DLGAP1: variants seen among roughly 807,000 people sequenced by gnomAD.
DLGAP1 encodes the protein disks large-associated protein 1.
A neutral mutation model predicts 90.8 loss-of-function variants in DLGAP1; 11 were observed. The observed-to-expected ratio is 0.12, with a 90% CI of 0.08 to 0.20. DLGAP1 has a LOEUF of 0.20. Ranked by LOEUF, DLGAP1 falls within the 10% of genes least tolerant of loss-of-function variation. The pLI is 1.00. For synonymous variants in DLGAP1, 558 were observed against 540.7 expected (o/e 1.03, Z -0.44); for missense variants, 1,050 against 1,333.8 (o/e 0.79, Z 3.31).
intron 7 of DLGAP1, among the ~76,000 whole-genome samples, chr18:3,646,431 C>T (rs910256982): frequency 3.3e-5 from 5 of 152,008 alleles, no homozygotes; most frequent in African/African-American, 1.2e-4. Flanking sequence ...AAATAAAACC[C>T]TCCATACTTA....
At chr18:3,765,236 T>C (rs2064174204) in intron 5 of DLGAP1, among the ~76,000 whole-genome samples, 1 of 149,430 alleles carries the variant, frequency 6.7e-6, no homozygotes, top group Non-Finnish European at 1.5e-5. Context: ...GTTCACACCA[T>C]TCTTCTGCTT....
intron 5 of DLGAP1, among the ~76,000 whole-genome samples, chr18:3,783,792 G>A (rs983049779): frequency 3.3e-5 from 5 of 151,996 alleles, no homozygotes; most frequent in Admixed American, 1.3e-4. Context: ...AAATAAAGTG[G>A]TTACTACAAA....
chr18:4,079,789 C>T (rs8099535), intron 2 of DLGAP1, among the ~76,000 whole-genome samples: 31,922 of 151,748 alleles, frequency 0.21, 4,240 homozygotes, highest in Non-Finnish European at 0.31. Context: ...TTCAGGTTTG[C>T]TTTTCTCCAG....
intron 4 of DLGAP1, among the ~76,000 whole-genome samples, chr18:3,815,199 T>C (rs1568180777): frequency 6.6e-6 from 1 of 152,210 alleles, no homozygotes; most frequent in Non-Finnish European, 1.5e-5. Flanking sequence ...ACCTTTCGAC[T>C]TTACCATCTC....
chr18:4,088,601 A>T (rs532286554), intron 2 of DLGAP1, among the ~76,000 whole-genome samples: 1 of 152,022 alleles, frequency 6.6e-6, no homozygotes, highest in Non-Finnish European at 1.5e-5. Flanking sequence ...CTTACCTTTC[A>T]TTTGTTTGAA....
intron 3 of DLGAP1, among the ~76,000 whole-genome samples, chr18:3,941,809 C>T (rs555077959): frequency 9.9e-5 from 15 of 152,232 alleles, no homozygotes; most frequent in African/African-American, 1.9e-4. Context: ...ACCTCCCAGG[C>T]GCATGTGGTC....
intron 1 of DLGAP1, among the ~76,000 whole-genome samples, chr18:4,257,549 A>T (rs753754026): frequency 1.3e-5 from 2 of 152,156 alleles, no homozygotes; most frequent in Non-Finnish European, 2.9e-5. Context: ...TCCCTCAATG[A>T]TCTCCTAGAA....
At chr18:3,916,278 C>T (rs551998888) in intron 3 of DLGAP1, among the ~76,000 whole-genome samples, 1 of 152,282 alleles carries the variant, frequency 6.6e-6, no homozygotes, top group Non-Finnish European at 1.5e-5. Flanking sequence ...AACAGAGCAG[C>T]ATATGGACGG....
At chr18:4,311,877 G>A (rs1402888580) in intron 1 of DLGAP1, among the ~76,000 whole-genome samples, 3 of 152,048 alleles carry the variant, frequency 2.0e-5, no homozygotes, top group Non-Finnish European at 2.9e-5. Flanking sequence ...CACCACGCCC[G>A]GCTAATTTTT....
intron 1 of DLGAP1, among the ~76,000 whole-genome samples, chr18:4,428,014 G>A (rs2083195056): frequency 6.6e-6 from 1 of 152,104 alleles, no homozygotes; most frequent in Admixed American, 6.5e-5. Flanking sequence ...ACTTAACTTT[G>A]GGCACTCACT....
intron 1 of DLGAP1, among the ~76,000 whole-genome samples, chr18:4,394,692 A>G (rs2082405054): frequency 6.6e-6 from 1 of 152,216 alleles, no homozygotes; most frequent in South Asian, 2.1e-4. Flanking sequence ...ATGCCAGTGT[A>G]TCAGATAATT....
intron 1 of DLGAP1, among the ~76,000 whole-genome samples, chr18:4,270,249 T>C (rs1024109934): frequency 1.3e-4 from 20 of 152,136 alleles, no homozygotes; most frequent in African/African-American, 4.8e-4. Context: ...CTTTATTTCA[T>C]TTTCCCCTCT....
At chr18:4,216,011 G>A (rs1298233684) in intron 1 of DLGAP1, among the ~76,000 whole-genome samples, 1 of 152,138 alleles carries the variant, frequency 6.6e-6, no homozygotes, top group African/African-American at 2.4e-5. Context: ...TCTCCTAAAT[G>A]TATTAGTCCA....
chr18:4,340,434 C>T (rs563815154), intron 1 of DLGAP1, among the ~76,000 whole-genome samples: 11 of 152,174 alleles, frequency 7.2e-5, no homozygotes, highest in Admixed American at 3.9e-4. Flanking sequence ...TTTCAGACTG[C>T]GGTTTACCAT....
chr18:3,845,167 C>A, intron 4 of DLGAP1: 2 of 1,583,044 alleles, frequency 1.3e-6, no homozygotes, highest in Non-Finnish European at 1.7e-6. Context: ...TAGATTAGCA[C>A]AGAAATCAAG....
intron 1 of DLGAP1, among the ~76,000 whole-genome samples, chr18:4,260,371 C>T (rs985929675): frequency 9.2e-5 from 14 of 152,166 alleles, no homozygotes; most frequent in African/African-American, 3.4e-4. Context: ...AAGTCCCAAC[C>T]TGCGGAAGTA....
At chr18:3,656,029 AC>A in intron 7 of DLGAP1, 2 of 1,492,082 alleles carry the variant, frequency 1.3e-6, no homozygotes, top group Non-Finnish European at 1.8e-6. Flanking sequence ...GCTACAAGCC[AC>A]GCTATGCAAC....
intron 1 of DLGAP1, among the ~76,000 whole-genome samples, chr18:4,153,209 T>C (rs2076702976): frequency 6.6e-6 from 1 of 152,144 alleles, no homozygotes; most frequent in South Asian, 2.1e-4. Flanking sequence ...ATCATCAGAG[T>C]CATCTGGAAA....
At chr18:4,432,736 TG>T (rs2083316720) in intron 1 of DLGAP1, among the ~76,000 whole-genome samples, 2 of 152,082 alleles carry the variant, frequency 1.3e-5, no homozygotes, top group African/African-American at 4.8e-5. Flanking sequence ...ACTGAATCTT[TG>T]CACTCTTAAT....
Sources: allele counts gnomAD v4.1 joint callset (sites outside exome capture counted in the v4.1 genomes callset), GRCh38; gene constraint gnomAD v4.1.1; transcripts MANE v1.5; gene names NCBI Gene and HGNC (gene_info 2026-07-23, HGNC 2026-07-21).